LDLRAD4: variants seen among roughly 807,000 people sequenced by gnomAD.
LDLRAD4 encodes the protein low density lipoprotein receptor class A domain containing 4.
In LDLRAD4, 5 loss-of-function variants were observed where a neutral mutation model predicts 17.0. The ratio of observed to expected loss-of-function variants is 0.29; its 90% CI spans 0.15 to 0.62. The LOEUF is 0.62. Among genes scored for constraint, LDLRAD4 ranks in the 20% least tolerant of loss-of-function variants. The pLI, the probability that LDLRAD4 is intolerant of heterozygous loss-of-function variation, is 0.84. For missense variants in LDLRAD4, 340 were observed against 424.7 expected (o/e 0.80, Z 1.75); for synonymous variants, 168 against 171.8 (o/e 0.98, Z 0.17).
At chr18:13,289,076 A>G (rs2045818702) in intron 1 of LDLRAD4, among the ~76,000 whole-genome samples, 1 of 152,050 alleles carries the variant, frequency 6.6e-6, no homozygotes, top group Non-Finnish European at 1.5e-5. Flanking sequence ...AGGAGCTGGG[A>G]CTCTGTTCCT....
intron 1 of LDLRAD4, among the ~76,000 whole-genome samples, chr18:13,337,335 C>T (rs62096867): frequency 0.098 from 14,964 of 152,218 alleles, 947 homozygotes; most frequent in South Asian, 0.16. Context: ...GTGCTCTTTG[C>T]AGTTTCTGCC....
chr18:13,309,471 TTTTTGTCTGTGTGAG>T (rs1432569744), intron 1 of LDLRAD4, among the ~76,000 whole-genome samples: 1 of 152,202 alleles, frequency 6.6e-6, no homozygotes, highest in Non-Finnish European at 1.5e-5. Flanking sequence ...TACAGAATTG[TTTTTGTCTGTGTGAG>T]TTTACTGAGG....
intron 1 of LDLRAD4, among the ~76,000 whole-genome samples, chr18:13,283,585 A>G (rs1323993586): frequency 6.6e-6 from 1 of 152,164 alleles, no homozygotes; most frequent in Non-Finnish European, 1.5e-5. Flanking sequence ...TATTGTCCTT[A>G]TTGCTATCAG....
chr18:13,397,159 G>A (rs563229217), intron 2 of LDLRAD4, among the ~76,000 whole-genome samples: 7 of 151,634 alleles, frequency 4.6e-5, no homozygotes, highest in African/African-American at 1.5e-4. Context: ...TTTTTTAGAC[G>A]GAGTCTCTCT....
intron 1 of LDLRAD4, among the ~76,000 whole-genome samples, chr18:13,337,671 C>T (rs1294628558): frequency 2.0e-5 from 3 of 148,634 alleles, no homozygotes; most frequent in East Asian, 2.0e-4. Flanking sequence ...CAAGGTGGTA[C>T]GGTCGCTTGA....
chr18:13,438,206 G>C, intron 2 of LDLRAD4, 38 bp from the exon 4 acceptor site: 1 of 1,600,346 alleles, frequency 6.2e-7, no homozygotes, highest in Non-Finnish European at 8.6e-7. Flanking sequence ...CACCAAGCTT[G>C]CATTGACTGC....
chr18:13,628,075 C>T (rs946693393), intron 4 of LDLRAD4, among the ~76,000 whole-genome samples: 2 of 152,238 alleles, frequency 1.3e-5, no homozygotes, highest in South Asian at 2.1e-4. Context: ...TCGGAGGGCA[C>T]AGGGAGCAGG....
At chr18:13,598,026 C>T (rs1024199465) in intron 3 of LDLRAD4, among the ~76,000 whole-genome samples, 1 of 152,198 alleles carries the variant, frequency 6.6e-6, no homozygotes, top group East Asian at 1.9e-4. Context: ...CTGGGCCCTC[C>T]CACAGGTAGT....
In LDLRAD4 at chr18:13,311,327, C is replaced by T. The variant is rs73419357; in HGVS notation, c.-383+33139C>T. Among the ~76,000 whole-genome samples the T allele has an allele frequency of 8.5e-3, 1,301 of 152,360 alleles. 20 individuals are homozygous for T. The highest frequency in any genetic ancestry group is 0.029 in the African/African-American group (1,210 of 41,582). On this transcript the variant is annotated intron_variant, in intron 1 of 5. Coordinates refer to ENST00000359446, the Ensembl canonical transcript of LDLRAD4. ...CAGAGCCCACTCAGGCCTCCTGGCA[C>T]CTGCCTACCGATCCACCCTCATGTG...
chr18:13,417,251 G>A (rs948409548), intron 2 of LDLRAD4, among the ~76,000 whole-genome samples: 1 of 152,114 alleles, frequency 6.6e-6, no homozygotes, highest in African/African-American at 2.4e-5. Flanking sequence ...TAAGAAGTAT[G>A]TTTGCATAAG....
At chr18:13,308,755 A>C (rs2047059601) in intron 1 of LDLRAD4, among the ~76,000 whole-genome samples, 1 of 152,272 alleles carries the variant, frequency 6.6e-6, no homozygotes. Context: ...TTAGGGAAGC[A>C]GACTTCCCTA....
At chr18:13,370,681 T>C (rs185501192) in intron 1 of LDLRAD4, among the ~76,000 whole-genome samples, 1 of 151,788 alleles carries the variant, frequency 6.6e-6, no homozygotes, top group East Asian at 1.9e-4. Flanking sequence ...CCTTTAGATG[T>C]AGGCAGTGTC....
chr18:13,451,045 G>A (rs1329240643), intron 3 of LDLRAD4, among the ~76,000 whole-genome samples: 14 of 152,162 alleles, frequency 9.2e-5, no homozygotes, highest in East Asian at 1.9e-4. Context: ...TTGTATAGCC[G>A]GAAGGTCCTT....
intron 1 of LDLRAD4, among the ~76,000 whole-genome samples, chr18:13,225,824 C>T (rs2041753034): frequency 6.6e-6 from 1 of 152,132 alleles, no homozygotes; most frequent in Non-Finnish European, 1.5e-5. Context: ...AGCATTCTTT[C>T]ATGAATATTT....
At chr18:13,540,146 G>A (rs2094255235) in intron 3 of LDLRAD4, among the ~76,000 whole-genome samples, 1 of 152,040 alleles carries the variant, frequency 6.6e-6, no homozygotes, top group South Asian at 2.1e-4. Flanking sequence ...TATTTTGTTT[G>A]GTTTGTTTTC....
At chr18:13,412,841 A>G (rs1600081277) in intron 2 of LDLRAD4, among the ~76,000 whole-genome samples, 1 of 152,372 alleles carries the variant, frequency 6.6e-6, no homozygotes, top group East Asian at 1.9e-4. Flanking sequence ...CAATTTGTAC[A>G]TGATCTTATG....
At chr18:13,299,923 G>A (rs2046488596) in intron 1 of LDLRAD4, among the ~76,000 whole-genome samples, 1 of 152,184 alleles carries the variant, frequency 6.6e-6, no homozygotes, top group African/African-American at 2.4e-5. Flanking sequence ...ATTGGTGGTG[G>A]TGGGTGTTTT....
At chr18:13,255,922 T>C (rs1444755326) in intron 1 of LDLRAD4, among the ~76,000 whole-genome samples, 1 of 152,210 alleles carries the variant, frequency 6.6e-6, no homozygotes, top group Non-Finnish European at 1.5e-5. Flanking sequence ...GGAGACAATT[T>C]GTCATCAGCA....
chr18:13,270,120 T>C (rs1437346049), intron 1 of LDLRAD4, among the ~76,000 whole-genome samples: 1 of 152,072 alleles, frequency 6.6e-6, no homozygotes, highest in African/African-American at 2.4e-5. Flanking sequence ...CTTAGCACTT[T>C]GAGAGGCCAA....
Sources: gnomAD v4.1 joint callset for allele counts (sites outside exome capture counted in the v4.1 genomes callset) on GRCh38, gnomAD v4.1.1 for gene constraint, MANE v1.5 for transcripts, NCBI Gene and HGNC (gene_info 2026-07-23, HGNC 2026-07-21) for gene names.